Variants in KCNMB1 observed in about 807,000 individuals in gnomAD.
KCNMB1 encodes the protein potassium calcium-activated channel subfamily M regulatory beta subunit 1, also known as calcium-activated potassium channel subunit beta-1.
A neutral mutation model predicts 21.7 loss-of-function variants in KCNMB1; 22 were observed. The ratio of observed to expected loss-of-function variants is 1.01; its 90% CI spans 0.72 to 1.45. KCNMB1 has a LOEUF of 1.45. Among genes scored for constraint, KCNMB1 ranks in the 40% most tolerant of loss-of-function variants. The pLI is 0.00. For synonymous variants in KCNMB1, 114 were observed against 107.6 expected (o/e 1.06, Z -0.37); for missense variants, 243 against 243.4 (o/e 1.00, Z 0.01).
intron 3 of KCNMB1, among the ~76,000 whole-genome samples, chr5:170,381,242 T>C (rs1472969117): frequency 6.6e-6 from 1 of 152,204 alleles, no homozygotes; most frequent in Non-Finnish European, 1.5e-5. Context: ...CTTTCTCTCC[T>C]GTCCTGGGTC....
rs961858920 is a variant in KCNMB1 at position 170,378,700 on chromosome 5, G to T, written c.*4C>A. On this transcript the variant is annotated 3_prime_UTR_variant, in exon 4 of 4. Transcript: ENST00000274629. ...GACAAGTGGTATGGCATGGATGGAT[G>T]GCTCTACTTCTGGGCCGCCAGGATG... 6.2e-7 allele frequency: 1 copy of T among 1,604,426 alleles called. No homozygotes were observed.
chr5:170,383,725 C>A lies in KCNMB1; in HGVS notation c.260G>T (p.Trp87Leu), dbSNP rs1442520418. ...LWVNVSAAGR[W>L]AVLYHTEDTR... ...GTCCTCCGTGTGGTACAGCACAGCC[C>A]ACCTGCCGGCAGCTGACACGTTGAC... is the stretch of plus-strand genomic sequence containing the variant. The change falls in exon 3 of 4, where the codon TGG becomes TTG. Residue 87 changes from tryptophan (W) to leucine (L), a missense_variant. Transcript: ENST00000274629. The A allele has an allele frequency of 5.0e-6, 8 of 1,614,160 alleles. No homozygotes were observed. In the Admixed American group the frequency reaches 1.3e-4, roughly 27 times the overall value.
chr5:170,383,971 T>G (rs751459308), intron 2 of KCNMB1, 121 bp from the exon 3 acceptor site: 2 of 958,040 alleles, frequency 2.1e-6, no homozygotes, highest in Non-Finnish European at 3.1e-6. Context: ...GATCCTCATC[T>G]TGTCTTCAGC....
intron 3 of KCNMB1, among the ~76,000 whole-genome samples, chr5:170,381,796 A>G (rs1196568340): frequency 6.6e-6 from 1 of 152,198 alleles, no homozygotes; most frequent in Non-Finnish European, 1.5e-5. Context: ...GGAGAATGTT[A>G]CCAGTTATTG....
Position 170,376,307 on chromosome 5 carries a change from G to C in KCNMB1, c.*2397C>G, listed in dbSNP as rs1462147885. ...TCCTGAGCAGCTGGGACTACAGGCG[G>C]CTACCACCACGCCCGGCTATGATTT... On this transcript the variant is annotated 3_prime_UTR_variant, in exon 4 of 4. Coordinates refer to ENST00000274629, the MANE Select transcript of KCNMB1 (RefSeq NM_004137.4). The C allele has an allele frequency of 6.6e-6, 1 of 151,712 alleles. No individual in the cohort carries two copies. The highest frequency in any genetic ancestry group is 1.9e-4 in the East Asian group (1 of 5,166). 9.4% of individuals were successfully genotyped at this position (151,712 alleles called of 1,614,324 possible).
rs1031940885 is a variant in KCNMB1, at chr5:170,374,694, G to T, written c.*4010C>A. On this transcript the variant is annotated 3_prime_UTR_variant, in exon 4 of 4. Transcript: ENST00000274629. The stretch of plus-strand genomic sequence containing the variant: ...ACTCATTAGCAGAGTGGTTTATTAA[G>T]AACTGATGAAGGTTCTCTGCTCCCA... 1 of 152,160 alleles carries T rather than the reference G, an allele frequency of 6.6e-6. No individual in the cohort carries two copies. Among genetic ancestry groups the T allele is most frequent in the Non-Finnish European group, 1.5e-5 (1 of 68,026 alleles). 9.4% of individuals were successfully genotyped at this position (152,160 alleles called of 1,614,324 possible).
In KCNMB1 at chr5:170,376,082, G is replaced by T. The variant is rs1000997185; in HGVS notation, c.*2622C>A. ...ACAGTGCCTGGCACAGAATAAATAA[G>T]CACCCATACATGCCAGATAACATTG... On this transcript the variant is annotated 3_prime_UTR_variant, in exon 4 of 4. Coordinates refer to ENST00000274629, the MANE Select transcript of KCNMB1 (RefSeq NM_004137.4). 1 of 148,234 alleles carries T rather than the reference G, an allele frequency of 6.7e-6. No homozygotes were observed. The highest frequency in any genetic ancestry group is 2.1e-4 in the East Asian group (1 of 4,858). 9.2% of individuals were successfully genotyped at this position (148,234 alleles called of 1,614,324 possible). A position where few individuals can be genotyped will look rare whatever the true frequency, so the allele number is the denominator to read the frequency against.
chr5:170,379,087 T>A (rs769945332), intron 3 of KCNMB1, 114 bp from the exon 4 acceptor site: 57 of 1,295,524 alleles, frequency 4.4e-5, no homozygotes, highest in Non-Finnish European at 5.7e-5. Flanking sequence ...TGGATTGGAG[T>A]CGGGGCTTTG....
At position 170,378,151 on chromosome 5, in the gene KCNMB1, T is replaced by A. The variant is rs938789538; in HGVS notation, c.*553A>T. ...AAATTTTGATGAGTTCTCATGTGTT[T>A]CCTTGCAGCTGATTGTTGTTTGGCA... is the stretch of plus-strand genomic sequence containing the variant. On this transcript the variant is annotated 3_prime_UTR_variant, in exon 4 of 4. Transcript: ENST00000274629. 3 of 152,336 alleles carry A rather than the reference T, an allele frequency of 2.0e-5. No individual in the cohort carries two copies. The highest frequency in any genetic ancestry group is 4.4e-5 in the Non-Finnish European group (3 of 68,118). The allele number at this position is 152,336 out of a possible 1,614,324, so 9.4% of individuals were successfully genotyped here. A position where few individuals can be genotyped will look rare whatever the true frequency, so the allele number is the denominator to read the frequency against.
At chr5:170,381,899 T>C (rs370909162) in intron 3 of KCNMB1, among the ~76,000 whole-genome samples, 10 of 152,204 alleles carry the variant, frequency 6.6e-5, no homozygotes, top group African/African-American at 2.2e-4. Flanking sequence ...CAGTGGGCCC[T>C]GAGACCTCTC....
At position 170,378,881 on chromosome 5, in the gene KCNMB1, GA is replaced by G. The variant is rs765031268; in HGVS notation, c.398del (p.Phe133SerfsTer36). 9 of 1,614,264 alleles carry G rather than the reference GA, an allele frequency of 5.6e-6. No individual in the cohort carries two copies. The highest frequency in any genetic ancestry group is 7.6e-6 in the Non-Finnish European group (9 of 1,180,050). On this transcript the variant is annotated frameshift_variant, in exon 4 of 4. Coordinates refer to ENST00000274629, the MANE Select transcript of KCNMB1 (RefSeq NM_004137.4). LOFTEE classifies it high-confidence loss of function. ...VRAKFQEQQV[F>X]YCFSAPRGNE... The stretch of plus-strand genomic sequence containing the variant: ...TCCCCCGAGGTGCGGAGAAGCAGTA[GA>G]AGACCTGCTGCTCTTGGAATTTGGC...
In KCNMB1 at chr5:170,376,046, A is replaced by T. The variant is rs1763988136; in HGVS notation, c.*2658T>A. 1 of 152,060 alleles carries T rather than the reference A, an allele frequency of 6.6e-6. No individual in the cohort carries two copies. Among genetic ancestry groups the T allele is most frequent in the African/African-American group, 2.4e-5 (1 of 41,354 alleles). 9.4% of individuals were successfully genotyped at this position (152,060 alleles called of 1,614,324 possible). On this transcript the variant is annotated 3_prime_UTR_variant, in exon 4 of 4. Coordinates refer to ENST00000274629, the MANE Select transcript of KCNMB1 (RefSeq NM_004137.4). ...GTATCTCATTTTTTTTTCCAAGGCA[A>T]ACTAATTAGTACAGTGCCTGGCACA...
intron 3 of KCNMB1, among the ~76,000 whole-genome samples, chr5:170,380,573 T>A (rs192024435): frequency 1.3e-5 from 2 of 152,204 alleles, no homozygotes; most frequent in South Asian, 2.1e-4. Context: ...GAAATGCAGA[T>A]GCTGCACTCA....
chr5:170,384,173 G>C (rs1213774579), intron 2 of KCNMB1, among the ~76,000 whole-genome samples: 2 of 152,190 alleles, frequency 1.3e-5, no homozygotes, highest in Non-Finnish European at 2.9e-5. Flanking sequence ...GAACTTCTTG[G>C]GTGGTTTGGC....
At chr5:170,382,493 A>T (rs1436404349) in intron 3 of KCNMB1, among the ~76,000 whole-genome samples, 1 of 151,948 alleles carries the variant, frequency 6.6e-6, no homozygotes, top group African/African-American at 2.4e-5. Flanking sequence ...ACACCCCATC[A>T]TGGGTCATTT....
At chr5:170,386,338 G>A (rs370003312) in intron 1 of KCNMB1, among the ~76,000 whole-genome samples, 11 of 152,266 alleles carry the variant, frequency 7.2e-5, no homozygotes, top group African/African-American at 2.2e-4. Context: ...AAGCTGGCGG[G>A]GGCAAGGAAC....
chr5:170,380,426 A>C (rs997013436), intron 3 of KCNMB1, among the ~76,000 whole-genome samples: 1 of 152,246 alleles, frequency 6.6e-6, no homozygotes, highest in African/African-American at 2.4e-5. Context: ...CCCAAATGGC[A>C]GGTGTTGAGC....
chr5:170,381,182 A>G lies in KCNMB1; in HGVS notation c.307-2209T>C, dbSNP rs142239904. ...GGGCCTGTTTGGCAAGACACTGGGC[A>G]GGAATTCACTCTTCATGGCCAAACC... is the stretch of plus-strand genomic sequence containing the variant. On this transcript the variant is annotated intron_variant, in intron 3 of 3. Coordinates refer to ENST00000274629, the MANE Select transcript of KCNMB1 (RefSeq NM_004137.4). Among the ~76,000 whole-genome samples the G allele has an allele frequency of 2.1e-3, 313 of 152,280 alleles. 1 individual carries two copies. The highest frequency in any genetic ancestry group is 7.3e-3 in the African/African-American group (303 of 41,532).
chr5:170,379,938 C>T (rs192468087), intron 3 of KCNMB1, among the ~76,000 whole-genome samples: 6 of 147,748 alleles, frequency 4.1e-5, no homozygotes, highest in Admixed American at 2.7e-4. Context: ...GGCAACAAAG[C>T]GAGATCCCAT....
Sources: allele counts gnomAD v4.1 joint callset (sites outside exome capture counted in the v4.1 genomes callset), GRCh38; gene constraint gnomAD v4.1.1; transcripts MANE v1.5; gene names NCBI Gene and HGNC (gene_info 2026-07-23, HGNC 2026-07-21).